The following JMJD1C variants were observed in gnomAD, a reference collection of about 807,000 sequenced individuals.
JMJD1C encodes the protein jumonji domain containing 1C.
In JMJD1C, 31 loss-of-function variants were observed where a neutral mutation model predicts 245.3. The ratio of observed to expected loss-of-function variants is 0.13; its 90% CI spans 0.09 to 0.17. The LOEUF (loss-of-function observed/expected upper bound fraction) is 0.17. Ranked by LOEUF, JMJD1C falls within the 10% of genes least tolerant of loss-of-function variation. The probability of loss-of-function intolerance (pLI) is 1.00; values close to 1 mark genes in which losing one functional copy is unlikely to be tolerated. For missense variants in JMJD1C, 2,691 were observed against 3,000.2 expected (o/e 0.90, Z 2.41); for synonymous variants, 1,057 against 1,017.4 (o/e 1.04, Z -0.74).
chr10:63,295,938 C>CAT (rs10653796), intron 2 of JMJD1C, among the ~76,000 whole-genome samples: 4,599 of 115,142 alleles, frequency 0.04, 342 homozygotes, highest in African/African-American at 0.1. Flanking sequence ...CATGTGTATA[C>CAT]ATATATATAT....
chr10:63,311,222 A>AG lies in JMJD1C; in HGVS notation c.334-46459_334-46458insC, dbSNP rs547679743. ...CCCGGCTCTATTAAAAAAAAAAAAA[A>AG]AAACAAATTAGCTAAGTGTGGTGAT... On this transcript the variant is annotated intron_variant, in intron 2 of 25. Transcript: ENST00000399262. 1.1e-4 allele frequency among the ~76,000 whole-genome samples: 16 copies of AG among 151,622 alleles called. No homozygotes were observed. The South Asian group carries it at 3.3e-3, about 32-fold the overall frequency.
At chr10:63,421,023 C>A (rs772012796) in intron 1 of JMJD1C, among the ~76,000 whole-genome samples, 1 of 152,100 alleles carries the variant, frequency 6.6e-6, no homozygotes, top group Non-Finnish European at 1.5e-5. Context: ...TGCCGCAGAT[C>A]TTAGACATTG....
At chr10:63,291,882 G>A (rs1446985172) in intron 2 of JMJD1C, among the ~76,000 whole-genome samples, 1 of 152,012 alleles carries the variant, frequency 6.6e-6, no homozygotes, top group Non-Finnish European at 1.5e-5. Context: ...GGTGGGGGAG[G>A]TTGACTGGAA....
intron 2 of JMJD1C, among the ~76,000 whole-genome samples, chr10:63,308,765 A>G (rs1034249097): frequency 6.3e-4 from 95 of 151,178 alleles, no homozygotes; most frequent in African/African-American, 1.4e-3. Context: ...AAAAAAAAAA[A>G]AAAGAAAGGG....
At chr10:63,238,180 CA>C (rs548385223) in intron 3 of JMJD1C, among the ~76,000 whole-genome samples, 1,323 of 30,586 alleles carry the variant, frequency 0.043, 11 homozygotes, top group Middle Eastern at 0.18. Flanking sequence ...GACTCCATCT[CA>C]AAAAAAAAAA....
chr10:63,449,423 A>G (rs1175393223), intron 1 of JMJD1C, among the ~76,000 whole-genome samples: 1 of 152,162 alleles, frequency 6.6e-6, no homozygotes, highest in Admixed American at 6.5e-5. Flanking sequence ...CTTTTTCTTT[A>G]TAACACTTTT....
rs200089258 is a variant in JMJD1C, at chr10:63,422,884, AT to A, written c.169-42403del. ...TGTATAATATAAAGTTAATTTAACC[AT>A]TTTTAAATGTATAATTTAAGGGCAC... On this transcript the variant is annotated intron_variant, in intron 1 of 25. Transcript: ENST00000399262. Among the ~76,000 whole-genome samples the A allele has an allele frequency of 5.2e-3, 795 of 152,284 alleles. 5 individuals carry two copies. The highest frequency in any genetic ancestry group is 0.017 in the Middle Eastern group (5 of 294).
intron 1 of JMJD1C, among the ~76,000 whole-genome samples, chr10:63,403,332 A>T (rs543197223): frequency 3.7e-4 from 56 of 152,350 alleles, no homozygotes; most frequent in Non-Finnish European, 7.1e-4. Context: ...AGTACTTATA[A>T]TATTTCTAAA....
intron 2 of JMJD1C, among the ~76,000 whole-genome samples, chr10:63,377,917 A>G (rs1946887285): frequency 4.9e-5 from 1 of 20,546 alleles, no homozygotes; most frequent in Non-Finnish European, 1.8e-4. Context: ...AATAAATAGT[A>G]TGGCAAAAAA....
At chr10:63,466,804 T>A (rs1049632426), upstream of JMJD1C, among the ~76,000 whole-genome samples, 3 of 152,144 alleles carry the variant, frequency 2.0e-5, no homozygotes, top group African/African-American at 7.2e-5. Flanking sequence ...TTATTTCCCA[T>A]CCAATTACAA....
chr10:63,489,845 C>T (rs1954111399), intron 1 of JMJD1C, among the ~76,000 whole-genome samples: 1 of 152,150 alleles, frequency 6.6e-6, no homozygotes, highest in African/African-American at 2.4e-5. Context: ...GGGTCCCCAT[C>T]CCCCGGACCA....
chr10:63,264,576 T>A, intron 3 of JMJD1C, 75 bp downstream of exon 3: 1 of 675,952 alleles, frequency 1.5e-6, no homozygotes, highest in Non-Finnish European at 2.5e-6. Context: ...TTAAAGAATA[T>A]TGTTTAAAGA....
intron 2 of JMJD1C, among the ~76,000 whole-genome samples, chr10:63,307,375 G>C (rs1223653120): frequency 6.6e-6 from 1 of 152,236 alleles, no homozygotes; most frequent in South Asian, 2.1e-4. Flanking sequence ...TTAAAAGTAG[G>C]TTTAGGTTTC....
chr10:63,192,866 G>C lies in JMJD1C; in HGVS notation c.6076+72C>G, dbSNP rs935554262. 11 of 1,140,072 alleles carry C rather than the reference G, an allele frequency of 9.6e-6. No individual in the cohort carries two copies. In the African/African-American group the frequency reaches 1.7e-4, roughly 17 times the overall value. 70.6% of individuals were successfully genotyped at this position (1,140,072 alleles called of 1,614,324 possible). On this transcript the variant is annotated intron_variant, in intron 16 of 25. Transcript: ENST00000399262. ...ACCTCAATATTAACAGTACTTTATT[G>C]TACAATAGTACATTGTTGGTTAGTT... is the stretch of plus-strand genomic sequence containing the variant.
chr10:63,314,194 T>C (rs572837189), intron 2 of JMJD1C, among the ~76,000 whole-genome samples: 2 of 152,350 alleles, frequency 1.3e-5, no homozygotes, highest in Admixed American at 6.5e-5. Flanking sequence ...CCCCACTTCA[T>C]GTTTTTGTTT....
At chr10:63,296,825 A>T (rs1859486728) in intron 2 of JMJD1C, among the ~76,000 whole-genome samples, 1 of 152,242 alleles carries the variant, frequency 6.6e-6, no homozygotes. Flanking sequence ...CCTGGTTGAC[A>T]GTATGAAGTT....
chr10:63,199,086 G>T (rs565364328), intron 11 of JMJD1C, among the ~76,000 whole-genome samples: 2 of 152,160 alleles, frequency 1.3e-5, no homozygotes, highest in Admixed American at 6.5e-5. Context: ...AATCTAAATC[G>T]GAATCACCAA....
At chr10:63,423,840 T>C (rs996447975) in intron 1 of JMJD1C, among the ~76,000 whole-genome samples, 6 of 152,242 alleles carry the variant, frequency 3.9e-5, no homozygotes, top group Admixed American at 2.0e-4. Context: ...AAAAAAATTA[T>C]AGTCATATTA....
rs1953180723 is a variant in JMJD1C, at chr10:63,465,523, T to C, written c.140A>G (p.His47Arg). 1 of 1,606,136 alleles carries C rather than the reference T, an allele frequency of 6.2e-7. No individual in the cohort carries two copies. Among genetic ancestry groups the C allele is most frequent in the East Asian group, 2.2e-5 (1 of 44,724 alleles). ...WRAGVIRAVS[H>R]RDSRNPDLAV... is the part of the protein sequence containing the mutation. ...CAGGTCCGGATTGCGGCTGTCCCTG[T>C]GTGACACGGCTCGGATGACCCCCGC... Residue 47 changes from histidine (H) to arginine (R), a missense_variant, in exon 1 of 26, where the codon CAC (histidine) becomes CGC (arginine). By Grantham distance (29) the His-to-Arg change is conservative. Around this residue, in one of 9 missense-constraint regions of JMJD1C, gnomAD observed 135 missense variants for 115.5 expected, o/e 1.17. Coordinates refer to ENST00000399262, the MANE Select transcript of JMJD1C (RefSeq NM_032776.3).
Sources: allele counts gnomAD v4.1 joint callset (sites outside exome capture counted in the v4.1 genomes callset), GRCh38; gene constraint gnomAD v4.1.1; regional missense constraint gnomAD v4.1.1; transcripts MANE v1.5; gene names NCBI Gene and HGNC (gene_info 2026-07-23, HGNC 2026-07-21).